ING4: variants seen among roughly 807,000 people sequenced by gnomAD.
ING4 encodes the protein inhibitor of growth family member 4, also known as inhibitor of growth protein 4.
A neutral mutation model predicts 33.1 loss-of-function variants in ING4; 28 were observed. That is an observed-to-expected ratio of 0.85 (90% confidence interval 0.63 to 1.16). The LOEUF (loss-of-function observed/expected upper bound fraction) is 1.16, where lower values mean the gene tolerates loss of function less well. ING4 is among the 50% of genes most tolerant of loss of function. The probability of loss-of-function intolerance (pLI) is 0.00; values close to 1 mark genes in which losing one functional copy is unlikely to be tolerated. For missense variants in ING4, 247 were observed against 314.7 expected, an observed-to-expected ratio of 0.78 and a Z score of 1.63; for synonymous variants, 87 against 104.4, an observed-to-expected ratio of 0.83 and a Z score of 1.02.
At chr12:6,660,007 AG>A (rs1335611204) in intron 1 of ING4, among the ~76,000 whole-genome samples, 1 of 152,194 alleles carries the variant, frequency 6.6e-6, no homozygotes, top group Non-Finnish European at 1.5e-5. Context: ...CTGTCTCCCC[AG>A]GCCGAACATG....
rs761788243 is a variant in ING4, at chr12:6,652,661, C to T, written c.497+1G>A. 5 of 1,613,040 alleles carry T rather than the reference C, an allele frequency of 3.1e-6. No homozygotes were observed. The highest frequency in any genetic ancestry group is 4.2e-6 in the Non-Finnish European group (5 of 1,179,360). ...GGCAAAGGGCTCCCTGAATCACTCA[C>T]GTGCGCACGAGCTTTAACTTCTTCT... On this transcript the variant is annotated splice_donor_variant, in intron 5 of 7. Coordinates refer to ENST00000341550, the MANE Select transcript of ING4 (RefSeq NM_016162.4). LOFTEE classifies it high-confidence loss of function.
intron 1 of ING4, among the ~76,000 whole-genome samples, chr12:6,661,246 C>T (rs1949538092): frequency 6.7e-6 from 1 of 149,460 alleles, no homozygotes; most frequent in Non-Finnish European, 1.5e-5. Context: ...TACAGGGGCA[C>T]ACCACCACAC....
At chr12:6,660,967 A>AT (rs1232547577) in intron 1 of ING4, among the ~76,000 whole-genome samples, 1 of 151,590 alleles carries the variant, frequency 6.6e-6, no homozygotes, top group African/African-American at 2.4e-5. Flanking sequence ...TAATTTTTGT[A>AT]TTTTTAGTAG....
At chr12:6,658,575 A>G (rs1200555445) in intron 1 of ING4, among the ~76,000 whole-genome samples, 8 of 152,064 alleles carry the variant, frequency 5.3e-5, no homozygotes, top group Admixed American at 5.2e-4. Flanking sequence ...AATCCCAGCT[A>G]CTTGGGAGGC....
At chr12:6,652,047 A>G (rs562016475) in intron 6 of ING4, among the ~76,000 whole-genome samples, 1 of 150,874 alleles carries the variant, frequency 6.6e-6, no homozygotes, top group Non-Finnish European at 1.5e-5. Context: ...TTTAGTAGAG[A>G]AGGGGTTACA....
intron 1 of ING4, among the ~76,000 whole-genome samples, chr12:6,658,422 A>G (rs1389663394): frequency 6.6e-6 from 1 of 151,582 alleles, no homozygotes; most frequent in African/African-American, 2.4e-5. Context: ...ACGGTGGCTC[A>G]TGCCTGTAAT....
Position 6,651,410 on chromosome 12 carries a change from C to T in ING4, c.646-25G>A, listed in dbSNP as rs200091123. ...ACTGGAAGAGGAAGAAAGAAGTAGT[C>T]AGGGGCCAGGAAGGGCCAGAGGAAG... is the stretch of plus-strand genomic sequence containing the variant. On this transcript the variant is annotated intron_variant, in intron 6 of 7. Transcript: ENST00000341550. The T allele has an allele frequency of 3.7e-5, 59 of 1,606,178 alleles. 1 individual carries two copies. The African/African-American group carries it at 7.1e-4, about 19-fold the overall frequency.
In ING4 at chr12:6,650,952, A is replaced by T; in HGVS notation, c.*243T>A. 1.7e-6 allele frequency: 1 copy of T among 580,234 alleles called. No homozygotes were observed. The highest frequency in any genetic ancestry group is 3.1e-6 in the Non-Finnish European group (1 of 323,244). 35.9% of individuals were successfully genotyped at this position (580,234 alleles called of 1,614,324 possible). ...TGGAGGCAAAAGGACAGTGGGCAAG[A>T]CCACGTCCCTCCGAAGGGAGAGGGC... On this transcript the variant is annotated 3_prime_UTR_variant, in exon 8 of 8. Transcript: ENST00000341550.
intron 1 of ING4, among the ~76,000 whole-genome samples, chr12:6,660,599 C>T (rs912982414): frequency 1.3e-5 from 2 of 151,808 alleles, no homozygotes; most frequent in African/African-American, 4.8e-5. Context: ...CAGAGTGAGA[C>T]TCTGTCTCAA....
At chr12:6,661,024 C>G (rs1392241470) in intron 1 of ING4, among the ~76,000 whole-genome samples, 1 of 151,776 alleles carries the variant, frequency 6.6e-6, no homozygotes, top group Non-Finnish European at 1.5e-5. Flanking sequence ...GAACTCCTGA[C>G]CTAAGGCGAT....
At chr12:6,654,084 C>A (rs1415355636) in intron 2 of ING4, among the ~76,000 whole-genome samples, 4 of 152,186 alleles carry the variant, frequency 2.6e-5, no homozygotes. Context: ...AATCTGCCTG[C>A]TTCAGCCTCC....
chr12:6,654,018 G>A (rs1430723717), intron 2 of ING4, among the ~76,000 whole-genome samples: 2 of 151,858 alleles, frequency 1.3e-5, no homozygotes, highest in African/African-American at 4.8e-5. Context: ...CTATTTTTTT[G>A]TAGAGACAGG....
chr12:6,655,032 T>G (rs1949311786), intron 2 of ING4, among the ~76,000 whole-genome samples: 1 of 149,894 alleles, frequency 6.7e-6, no homozygotes, highest in South Asian at 2.1e-4. Context: ...GTCTCCCAGA[T>G]GTTTTATTTT....
intron 5 of ING4, 115 bp downstream of exon 5, chr12:6,652,546 TA>T (rs1296339748): frequency 7.3e-7 from 1 of 1,368,240 alleles, no homozygotes; most frequent in African/African-American, 1.4e-5. Context: ...ACCAAAATGA[TA>T]AGAAGAGTTC....
intron 1 of ING4, among the ~76,000 whole-genome samples, chr12:6,658,212 G>C (rs1027892010): frequency 6.6e-6 from 1 of 151,710 alleles, no homozygotes; most frequent in Admixed American, 6.6e-5. Context: ...CGCCCGCCTT[G>C]ATCTCCCAAA....
intron 1 of ING4, among the ~76,000 whole-genome samples, chr12:6,659,373 T>C (rs1949474026): frequency 6.6e-6 from 1 of 151,472 alleles, no homozygotes; most frequent in African/African-American, 2.4e-5. Context: ...CTGGCCAACA[T>C]GGTGAAACCT....
Position 6,652,299 on chromosome 12 carries a change from C to G in ING4, c.617G>C (p.Gly206Ala). 1 of 1,614,160 alleles carries G rather than the reference C, an allele frequency of 6.2e-7. No homozygotes were observed. ...TYCLCHQVSY[G>A]EMIGCDNPDC... ...AGGGTTGTCACAGCCAATCATCTCT[C>G]CATAGGAGACCTGGTGACAAAGGCA... Residue 206 changes from glycine to alanine, a missense_variant, in exon 6 of 8, where the codon GGA becomes GCA. Coordinates refer to ENST00000341550, the MANE Select transcript of ING4 (RefSeq NM_016162.4).
At chr12:6,653,781 G>C (rs559430129) in intron 2 of ING4, among the ~76,000 whole-genome samples, 1 of 152,222 alleles carries the variant, frequency 6.6e-6, no homozygotes, top group Non-Finnish European at 1.5e-5. Flanking sequence ...TCCCACAGCA[G>C]TTGTCTGCCG....
At position 6,653,376 on chromosome 12, in the gene ING4, T is replaced by C. The variant is rs1329869974; in HGVS notation, c.130A>G (p.Lys44Glu). The C allele has an allele frequency of 6.2e-7, 1 of 1,614,120 alleles. No individual in the cohort carries two copies. Among genetic ancestry groups the C allele is most frequent in the East Asian group, 2.2e-5 (1 of 44,880 alleles). The part of the protein sequence containing the change: ...RTEDLKAEID[K>E]LATEYMSSAR... ...CTACTCATATACTCAGTGGCCAACT[T>C]GTCAATTTCAGCCTTCAGGTCTACA... is the stretch of plus-strand genomic sequence containing the variant. Residue 44 changes from lysine (K) to glutamate (E), a missense_variant, in exon 3 of 8, where the codon AAG becomes GAG. Transcript: ENST00000341550.
Sources: gnomAD v4.1 joint callset for allele counts (sites outside exome capture counted in the v4.1 genomes callset) on GRCh38, gnomAD v4.1.1 for gene constraint, MANE v1.5 for transcripts, NCBI Gene and HGNC (gene_info 2026-07-23, HGNC 2026-07-21) for gene names.